VIL1: variants seen among roughly 807,000 people sequenced by gnomAD.
VIL1 encodes villin 1, also known as villin-1.
Under a neutral mutation model 104.0 loss-of-function variants are expected in VIL1, and 86 were observed. The observed-to-expected ratio is 0.83, with a 90% CI of 0.69 to 0.99. The LOEUF (loss-of-function observed/expected upper bound fraction) is 0.99. Among genes scored for constraint, VIL1 ranks in the 50% least tolerant of loss-of-function variants. The pLI, the probability that VIL1 is intolerant of heterozygous loss-of-function variation, is 0.00. For missense variants in VIL1, 944 were observed against 1,054.1 expected (o/e 0.90, Z 1.45); for synonymous variants, 394 against 412.6 (o/e 0.95, Z 0.55).
chr2:218,448,362 C>T (rs547501589), intron 19 of VIL1, among the ~76,000 whole-genome samples: 5 of 152,116 alleles, frequency 3.3e-5, no homozygotes, highest in East Asian at 1.9e-4. Flanking sequence ...GCCAGGAGTT[C>T]GAGACCAGCC....
intron 9 of VIL1, 22 bp downstream of exon 9, chr2:218,429,969 G>A (rs752893953): frequency 6.4e-7 from 1 of 1,563,668 alleles, no homozygotes. Flanking sequence ...GGCGGGGGAG[G>A]GTCCAGGAGG....
intron 18 of VIL1, 129 bp downstream of exon 18, chr2:218,438,855 T>A (rs1394284365): frequency 2.7e-6 from 2 of 728,956 alleles, no homozygotes; most frequent in East Asian, 2.8e-5. Flanking sequence ...CCACTTCTCA[T>A]TCTTCTTGCT....
intron 1 of VIL1, among the ~76,000 whole-genome samples, chr2:218,422,721 C>T (rs1051479843): frequency 6.6e-6 from 1 of 152,202 alleles, no homozygotes; most frequent in Non-Finnish European, 1.5e-5. Context: ...CGAGTGGAGG[C>T]CTGACCTGTC....
At chr2:218,433,084 G>A (rs1262639001) in intron 13 of VIL1, 133 bp downstream of exon 13, 12 of 1,104,562 alleles carry the variant, frequency 1.1e-5, no homozygotes, top group Non-Finnish European at 1.4e-5. Context: ...CTACCCTGGA[G>A]GTTCTATCAC....
chr2:218,436,529 C>T lies in VIL1; in HGVS notation c.1874C>T (p.Ser625Phe). The change falls in exon 16 of 20, where the codon TCC becomes TTC. Residue 625 changes from serine to phenylalanine, a missense_variant. Coordinates refer to ENST00000248444, the MANE Select transcript of VIL1 (RefSeq NM_007127.3). ...ATCACCCCCCGGCTCTTTGAGTGTT[C>T]CAACAAGACTGGGCGCTTCCTGGCC... ...LVITPRLFEC[S>F]NKTGRFLATE... 2 of 1,614,078 alleles carry T rather than the reference C, an allele frequency of 1.2e-6. No homozygotes were observed. The highest frequency in any genetic ancestry group is 1.7e-6 in the Non-Finnish European group (2 of 1,180,006).
intron 19 of VIL1, among the ~76,000 whole-genome samples, chr2:218,442,059 AG>A (rs1423629315): frequency 1.3e-5 from 2 of 152,222 alleles, no homozygotes; most frequent in Non-Finnish European, 2.9e-5. Flanking sequence ...GAGCAGCCAT[AG>A]GAACACCAGT....
rs1689194739 is a variant in VIL1 at position 218,436,524 on chromosome 2, G to C, written c.1869G>C (p.Glu623Asp). 1 of 1,614,006 alleles carries C rather than the reference G, an allele frequency of 6.2e-7. No individual in the cohort carries two copies. Among genetic ancestry groups the C allele is most frequent in the Non-Finnish European group, 8.5e-7 (1 of 1,180,028 alleles). ...TGGTCATCACCCCCCGGCTCTTTGAGTGTTCCAACAAGACTGGGCGCTTCC... is the reference window on the plus strand; with the variant it reads ...TGGTCATCACCCCCCGGCTCTTTGACTGTTCCAACAAGACTGGGCGCTTCC... ...ENLVITPRLF[E>D]CSNKTGRFLA... The change falls in exon 16 of 20, where the codon GAG becomes GAC. Residue 623 changes from glutamate (E) to aspartate (D), a missense_variant. Transcript: ENST00000248444.
At chr2:218,431,752 C>T in intron 10 of VIL1, 105 bp from the exon 11 acceptor site, 1 of 957,182 alleles carries the variant, frequency 1.0e-6, no homozygotes, top group South Asian at 1.5e-5. Context: ...TCGGTTTCCT[C>T]ATCTGAAAAT....
chr2:218,428,044 A>C lies in VIL1; in HGVS notation c.427A>C (p.Lys143Gln), dbSNP rs775573579. 1 of 1,613,998 alleles carries C rather than the reference A, an allele frequency of 6.2e-7. No homozygotes were observed. Among genetic ancestry groups the C allele is most frequent in the African/African-American group, 1.3e-5 (1 of 74,896 alleles). ...SYDVQRLLHVKGKRNVVAGEV... is the reference protein window; with the variant it reads ...SYDVQRLLHVQGKRNVVAGEV... Reference sequence around the variant, plus strand: ...TGACGTCCAGAGGCTGCTGCATGTCAAGGGCAAGAGGAACGTGGTAGCTGG... The same window carrying C: ...TGACGTCCAGAGGCTGCTGCATGTCCAGGGCAAGAGGAACGTGGTAGCTGG... Residue 143 changes from lysine (K) to glutamine (Q), a missense_variant, in exon 5 of 20, where the codon AAG (lysine) becomes CAG (glutamine). By Grantham distance (53) the Lys-to-Gln change is moderately conservative. Transcript: ENST00000248444.
chr2:218,436,753 G>T (rs1339490263), intron 16 of VIL1, 127 bp downstream of exon 16: 3 of 1,215,166 alleles, frequency 2.5e-6, no homozygotes, highest in African/African-American at 3.0e-5. Context: ...CCCTGGAAAT[G>T]GTATGAACAC....
chr2:218,444,160 G>A (rs1201902421), intron 19 of VIL1, among the ~76,000 whole-genome samples: 2 of 150,842 alleles, frequency 1.3e-5, no homozygotes, highest in Non-Finnish European at 2.9e-5. Context: ...AGTTGAGACA[G>A]GGTTTCACCA....
Position 218,434,421 on chromosome 2 carries a change from CA to C in VIL1, c.1501-104del, listed in dbSNP as rs1225258731. The stretch of plus-strand genomic sequence containing the variant: ...CTGGTGACGGAGCATCAGAGGAGCT[CA>C]GGGGCAAACCTCCCCGCCCTACCCT... On this transcript the variant is annotated intron_variant, in intron 13 of 19. Coordinates refer to ENST00000248444, the MANE Select transcript of VIL1 (RefSeq NM_007127.3). 7 of 1,192,498 alleles carry C rather than the reference CA, an allele frequency of 5.9e-6. No individual in the cohort carries two copies. The African/African-American group carries it at 1.1e-4, about 18-fold the overall frequency. 73.9% of individuals were successfully genotyped at this position (1,192,498 alleles called of 1,614,324 possible). A position where few individuals can be genotyped will look rare whatever the true frequency, so the allele number is the denominator to read the frequency against.
rs1689120813 is a variant in VIL1, at chr2:218,432,730, T to C, written c.1342-63T>C. The stretch of plus-strand genomic sequence containing the variant: ...TTGAGGATGGAGTTGTTGCTGAGGC[T>C]GAGGATGGGGTCAGAATTGGGGGCT... On this transcript the variant is annotated intron_variant, in intron 12 of 19. Coordinates refer to ENST00000248444, the MANE Select transcript of VIL1 (RefSeq NM_007127.3). 11 of 1,599,300 alleles carry C rather than the reference T, an allele frequency of 6.9e-6. No individual in the cohort carries two copies. In the East Asian group the frequency reaches 1.1e-4, roughly 16 times the overall value.
chr2:218,423,785 A>G lies in VIL1; in HGVS notation c.7A>G (p.Lys3Glu). 1 of 1,614,110 alleles carries G rather than the reference A, an allele frequency of 6.2e-7. No individual in the cohort carries two copies. The highest frequency in any genetic ancestry group is 1.3e-5 in the African/African-American group (1 of 75,028). Residue 3 changes from lysine (K) to glutamate (E), a missense_variant, in exon 2 of 20, where the codon AAG becomes GAG. Transcript: ENST00000248444. ...TCCCCCAGGCTCACTCACCATGACC[A>G]AGCTGAGCGCCCAAGTCAAAGGCTC... is the stretch of plus-strand genomic sequence containing the variant. MT[K>E]LSAQVKGSLN...
At chr2:218,423,968 G>A (rs1688935302) in intron 2 of VIL1, 115 bp downstream of exon 2, 1 of 1,230,724 alleles carries the variant, frequency 8.1e-7, no homozygotes, top group Non-Finnish European at 1.2e-6. Flanking sequence ...TGAAGCCCCT[G>A]AGAGCTCAGC....
intron 14 of VIL1, 91 bp from the exon 15 acceptor site, chr2:218,435,198 C>T (rs1689167863): frequency 6.5e-7 from 1 of 1,549,310 alleles, no homozygotes; most frequent in Non-Finnish European, 8.7e-7. Flanking sequence ...CAGGAGAGCC[C>T]TCTTTGACCC....
At chr2:218,440,974 G>A (rs1689275278) in intron 19 of VIL1, 112 bp downstream of exon 19, 5 of 1,312,892 alleles carry the variant, frequency 3.8e-6, no homozygotes, top group Non-Finnish European at 5.2e-6. Flanking sequence ...CAAGACAGAT[G>A]GGATCCTGCC....
rs1189773085 is a variant in VIL1, at chr2:218,440,573, G to A, written c.2230-149G>A. The A allele has an allele frequency of 4.3e-6, 4 of 939,772 alleles. No individual in the cohort carries two copies. The Admixed American group carries it at 9.8e-5, about 23-fold the overall frequency. 58.2% of individuals were successfully genotyped at this position (939,772 alleles called of 1,614,324 possible). ...GCGTGAGCCACTGCACCCAGCCTAT[G>A]TTGTTCTTATGAGTGTGTGTGTGGC... On this transcript the variant is annotated intron_variant, in intron 18 of 19. Transcript: ENST00000248444.
At chr2:218,447,664 G>C (rs1689387539) in intron 19 of VIL1, among the ~76,000 whole-genome samples, 1 of 152,080 alleles carries the variant, frequency 6.6e-6, no homozygotes, top group Admixed American at 6.6e-5. Flanking sequence ...TACCCTTATA[G>C]GGCTCATCTG....
Sources: gnomAD v4.1 joint callset for allele counts (sites outside exome capture counted in the v4.1 genomes callset) on GRCh38, gnomAD v4.1.1 for gene constraint, MANE v1.5 for transcripts, NCBI Gene and HGNC (gene_info 2026-07-23, HGNC 2026-07-21) for gene names.